Variants in HDAC9 observed in about 807,000 individuals in gnomAD.
HDAC9 encodes the protein histone deacetylase 9.
In HDAC9, 41 loss-of-function variants were observed where a neutral mutation model predicts 139.4. The ratio of observed to expected loss-of-function variants is 0.29; its 90% CI spans 0.23 to 0.38. The LOEUF is 0.38. HDAC9 is among the 10% of genes least tolerant of loss of function. The pLI is 1.00. For missense variants in HDAC9, 1,147 were observed against 1,297.0 expected (o/e 0.88, Z 1.78); for synonymous variants, 517 against 476.2 (o/e 1.09, Z -1.12).
At chr7:18,306,503 A>G (rs901461284) in intron 1 of HDAC9, among the ~76,000 whole-genome samples, 5 of 152,198 alleles carry the variant, frequency 3.3e-5, no homozygotes, top group African/African-American at 9.7e-5. Context: ...GAAAGAAAAG[A>G]TGATAGTAAT....
intron 16 of HDAC9, among the ~76,000 whole-genome samples, chr7:18,771,565 T>G (rs140471083): frequency 1.3e-5 from 2 of 149,020 alleles, no homozygotes; most frequent in African/African-American, 2.5e-5. Context: ...GTGTGTGTGT[T>G]TATATATACA....
intron 1 of HDAC9, among the ~76,000 whole-genome samples, chr7:18,362,616 T>A (rs570259259): frequency 2.2e-4 from 33 of 152,316 alleles, no homozygotes; most frequent in African/African-American, 7.7e-4. Flanking sequence ...CCTGGATTGA[T>A]GAAATTTTTT....
intron 22 of HDAC9, among the ~76,000 whole-genome samples, chr7:18,875,257 TG>T (rs1176473735): frequency 6.6e-6 from 1 of 151,776 alleles, no homozygotes; most frequent in African/African-American, 2.4e-5. Context: ...GCTCTCTGAG[TG>T]GGAAAAAAGG....
intron 11 of HDAC9, among the ~76,000 whole-genome samples, chr7:18,651,838 G>C (rs992839411): frequency 6.6e-6 from 1 of 152,106 alleles, no homozygotes; most frequent in African/African-American, 2.4e-5. Context: ...CAAGGGCTTA[G>C]CAGAAATATC....
chr7:18,624,845 C>T (rs1057268044), intron 6 of HDAC9, among the ~76,000 whole-genome samples: 3 of 151,922 alleles, frequency 2.0e-5, no homozygotes, highest in Non-Finnish European at 4.4e-5. Flanking sequence ...AGTTATCTAT[C>T]ATCTCATCTC....
intron 1 of HDAC9, among the ~76,000 whole-genome samples, chr7:18,160,629 T>G (rs1358608021): frequency 2.6e-5 from 4 of 152,164 alleles, no homozygotes; most frequent in African/African-American, 7.2e-5. Flanking sequence ...ATTATTATTA[T>G]TTTTGACACA....
intron 1 of HDAC9, among the ~76,000 whole-genome samples, chr7:18,371,318 C>T (rs1284440790): frequency 1.3e-5 from 2 of 152,030 alleles, no homozygotes; most frequent in Non-Finnish European, 2.9e-5. Flanking sequence ...GTATGTAGCA[C>T]CTTTATTGTT....
chr7:18,990,782 C>T (rs1181445258), intron 25 of HDAC9, among the ~76,000 whole-genome samples: 1 of 152,236 alleles, frequency 6.6e-6, no homozygotes, highest in Non-Finnish European at 1.5e-5. Flanking sequence ...AGGAAAAGCG[C>T]AGTATTTGGG....
In HDAC9 at chr7:18,880,849, G is replaced by C. The variant is rs79959531; in HGVS notation, c.2803+6253G>C. Among the ~76,000 whole-genome samples the C allele has an allele frequency of 1.3e-3, 200 of 150,650 alleles. 2 individuals carry two copies. Among genetic ancestry groups the C allele is most frequent in the Non-Finnish European group, 1.9e-3 (130 of 67,646 alleles). On this transcript the variant is annotated intron_variant, in intron 22 of 25. Transcript: ENST00000686413. ...AAGAATAGTTAATAGTTGCCGGGGGGGGGGGAACCAAATAACAAAGCTTAG... is the reference window on the plus strand; with the variant it reads ...AAGAATAGTTAATAGTTGCCGGGGGCGGGGGAACCAAATAACAAAGCTTAG...
intron 1 of HDAC9, among the ~76,000 whole-genome samples, chr7:18,140,383 G>T (rs1024385232): frequency 6.6e-6 from 1 of 152,092 alleles, no homozygotes; most frequent in Non-Finnish European, 1.5e-5. Context: ...TTATTGTACA[G>T]GGTTTTCTCT....
intron 21 of HDAC9, among the ~76,000 whole-genome samples, chr7:18,847,824 C>T (rs1797011160): frequency 6.6e-6 from 1 of 152,212 alleles, no homozygotes; most frequent in Non-Finnish European, 1.5e-5. Flanking sequence ...ACTTACCCCT[C>T]TCAGATGAGG....
chr7:18,310,253 C>T (rs1485499354), intron 1 of HDAC9, among the ~76,000 whole-genome samples: 1 of 152,140 alleles, frequency 6.6e-6, no homozygotes, highest in Non-Finnish European at 1.5e-5. Flanking sequence ...TTCTGTTTTA[C>T]GTATCACAGA....
chr7:18,221,084 A>G (rs1200953850), intron 2 of HDAC9, among the ~76,000 whole-genome samples: 7 of 149,650 alleles, frequency 4.7e-5, no homozygotes, highest in Admixed American at 1.3e-4. Context: ...GACAATTTCT[A>G]TAATATTTTG....
chr7:18,167,555 T>G lies in HDAC9; in HGVS notation c.25+5206T>G, dbSNP rs1788091248. Among the ~76,000 whole-genome samples, 3 of 152,272 alleles carry G rather than the reference T, an allele frequency of 2.0e-5. No homozygotes were observed. In the East Asian group the frequency reaches 5.8e-4, roughly 29 times the overall value. Reference sequence around the variant, plus strand: ...TTCATATAAAGACTGAGTAGAGAGCTGCTGTTTTTCTAATGGCTACCCTTT... The same window carrying G: ...TTCATATAAAGACTGAGTAGAGAGCGGCTGTTTTTCTAATGGCTACCCTTT... On this transcript the variant is annotated intron_variant, in intron 2 of 12. Coordinates refer to the HDAC9 transcript ENST00000417496.
chr7:18,601,829 T>G (rs925232265), intron 6 of HDAC9, among the ~76,000 whole-genome samples: 1 of 152,204 alleles, frequency 6.6e-6, no homozygotes, highest in Non-Finnish European at 1.5e-5. Flanking sequence ...CTTGCTTGTG[T>G]TATACAACAC....
At chr7:18,448,403 A>G (rs1397012452) in intron 1 of HDAC9, among the ~76,000 whole-genome samples, 9 of 152,232 alleles carry the variant, frequency 5.9e-5, no homozygotes, top group Non-Finnish European at 1.3e-4. Context: ...AGAAAGCATT[A>G]AAAGAAAAAA....
chr7:18,182,266 A>C lies in HDAC9; in HGVS notation c.25+19917A>C, dbSNP rs190582883. 1.1e-3 allele frequency among the ~76,000 whole-genome samples: 160 copies of C among 152,324 alleles called. 1 individual carries two copies. Among genetic ancestry groups the C allele is most frequent in the African/African-American group, 3.8e-3 (156 of 41,578 alleles). Reference sequence around the variant, plus strand: ...AAATGTATTTTATTTGACAGGTAATAGGTTGATATATACTTTTTAAAAATT... The same window carrying C: ...AAATGTATTTTATTTGACAGGTAATCGGTTGATATATACTTTTTAAAAATT... On this transcript the variant is annotated intron_variant, in intron 2 of 12. Coordinates refer to the HDAC9 transcript ENST00000417496.
chr7:18,456,239 G>A (rs1586037256), intron 1 of HDAC9, among the ~76,000 whole-genome samples: 1 of 151,984 alleles, frequency 6.6e-6, no homozygotes, highest in Non-Finnish European at 1.5e-5. Context: ...TGATTGGTTG[G>A]TTGGTTGATT....
intron 1 of HDAC9, among the ~76,000 whole-genome samples, chr7:18,386,805 A>T (rs1785978292): frequency 6.6e-6 from 1 of 152,208 alleles, no homozygotes; most frequent in Admixed American, 6.5e-5. Flanking sequence ...TTCTTTTGTC[A>T]TTTCAGCTCT....
Sources: allele counts gnomAD v4.1 joint callset (sites outside exome capture counted in the v4.1 genomes callset), GRCh38; gene constraint gnomAD v4.1.1; transcripts MANE v1.5; gene names NCBI Gene and HGNC (gene_info 2026-07-23, HGNC 2026-07-21).